SVIL: variants seen among roughly 807,000 people sequenced by gnomAD.
SVIL encodes the protein archvillin.
Under a neutral mutation model 240.4 loss-of-function variants are expected in SVIL, and 101 were observed. That is an observed-to-expected ratio of 0.42 (90% CI 0.36 to 0.50). The LOEUF (loss-of-function observed/expected upper bound fraction) is 0.50, where lower values mean the gene tolerates loss of function less well. Ranked by LOEUF, SVIL falls within the 20% of genes least tolerant of loss-of-function variation. SVIL has a pLI of 0.01. For missense variants in SVIL, 2,512 were observed against 2,818.7 expected, an observed-to-expected ratio of 0.89 and a Z score of 2.46; for synonymous variants, 999 against 1,100.0, an observed-to-expected ratio of 0.91 and a Z score of 1.82.
intron 23 of SVIL, 189 bp from the exon 24 acceptor site, chr10:29,487,488 T>G: frequency 1.6e-6 from 1 of 631,138 alleles, no homozygotes; most frequent in Admixed American, 3.0e-5. Context: ...AGCGGCTGCT[T>G]TCCTGGTTTG....
At chr10:29,659,638 C>T (rs1959099942) in intron 2 of SVIL, among the ~76,000 whole-genome samples, 1 of 151,972 alleles carries the variant, frequency 6.6e-6, no homozygotes, top group Admixed American at 6.6e-5. Flanking sequence ...GGTGCGGGGT[C>T]AAAGGGGAGT....
intron 1 of SVIL, among the ~76,000 whole-genome samples, chr10:29,691,793 A>C (rs1358014213): frequency 1.3e-5 from 2 of 152,158 alleles, no homozygotes; most frequent in Non-Finnish European, 2.9e-5. Flanking sequence ...AGATTACGGA[A>C]TCCCTGTAAC....
At chr10:29,563,531 G>C (rs1445558846) in intron 2 of SVIL, among the ~76,000 whole-genome samples, 1 of 152,158 alleles carries the variant, frequency 6.6e-6, no homozygotes, top group Non-Finnish European at 1.5e-5. Flanking sequence ...GGCGTGGTGT[G>C]ATGTGTGAAA....
At chr10:29,624,533 A>C (rs2132928184) in intron 1 of SVIL, among the ~76,000 whole-genome samples, 1 of 152,358 alleles carries the variant, frequency 6.6e-6, no homozygotes, top group South Asian at 2.1e-4. Flanking sequence ...CTTCGTCTCA[A>C]AAACAAAACA....
chr10:29,589,265 C>T (rs536512911), intron 1 of SVIL, among the ~76,000 whole-genome samples: 5 of 152,288 alleles, frequency 3.3e-5, no homozygotes, highest in South Asian at 2.1e-4. Flanking sequence ...ATCGCCCGCA[C>T]GGCCTCGACA....
intron 1 of SVIL, among the ~76,000 whole-genome samples, chr10:29,723,052 G>T (rs550874150): frequency 7.9e-5 from 12 of 152,324 alleles, no homozygotes; most frequent in Admixed American, 2.0e-4. Context: ...CCGGCAGACT[G>T]CCCTGTACAT....
chr10:29,608,056 A>G (rs1022643945), intron 1 of SVIL, among the ~76,000 whole-genome samples: 2 of 152,204 alleles, frequency 1.3e-5, no homozygotes, highest in African/African-American at 4.8e-5. Context: ...AAACGCTGTC[A>G]GCAGTCACTC....
chr10:29,481,591 T>C lies in SVIL; in HGVS notation c.5093A>G (p.Gln1698Arg). 3 of 1,614,204 alleles carry C rather than the reference T, an allele frequency of 1.9e-6. No individual in the cohort carries two copies. The highest frequency in any genetic ancestry group is 2.5e-6 in the Non-Finnish European group (3 of 1,180,040). Residue 1698 changes from glutamine (Q) to arginine (R), a missense_variant, in exon 28 of 38, where the codon CAG becomes CGG. This residue lies in a region of SVIL where 797 missense variants were observed against 925.3 expected (regional missense o/e 0.86). Coordinates refer to ENST00000355867, the MANE Select transcript of SVIL (RefSeq NM_021738.3). ...SNEKNPGELAQHKEDPRTDVK... is the reference protein window; with the variant it reads ...SNEKNPGELARHKEDPRTDVK... ...GCTTGGTCGCCGGAATACCTTGTGCTGGGCAAGTTCCCCGGGGTTCTTCTC... is the reference window on the plus strand; with the variant it reads ...GCTTGGTCGCCGGAATACCTTGTGCCGGGCAAGTTCCCCGGGGTTCTTCTC...
intron 32 of SVIL, among the ~76,000 whole-genome samples, chr10:29,468,256 G>A (rs1277266128): frequency 2.0e-5 from 3 of 152,154 alleles, no homozygotes; most frequent in African/African-American, 7.2e-5. Flanking sequence ...TAAACTTAGT[G>A]TAATGTTTTT....
At position 29,532,020 on chromosome 10, in the gene SVIL, T is replaced by G; in HGVS notation, c.1991A>C (p.Glu664Ala). 1.2e-6 allele frequency: 2 copies of G among 1,614,192 alleles called. No homozygotes were observed. Among genetic ancestry groups the G allele is most frequent in the Non-Finnish European group, 1.7e-6 (2 of 1,180,028 alleles). Residue 664 changes from glutamate (E) to alanine (A), a missense_variant, in exon 9 of 38, where the codon GAA (glutamate) becomes GCA (alanine). Coordinates refer to ENST00000355867, the MANE Select transcript of SVIL (RefSeq NM_021738.3). ...TGCCTACCTATCCGATTCCTTTCGT[T>G]CTGCTGAAGTTATAGGTTGGGTTCT... ...RFRTQPITSA[E>A]RKESDRCTSH...
intron 1 of SVIL, among the ~76,000 whole-genome samples, chr10:29,620,592 G>A (rs145752186): frequency 3.9e-5 from 6 of 152,292 alleles, no homozygotes; most frequent in African/African-American, 1.4e-4. Context: ...CTTGATGCTA[G>A]GGTTAAGCAG....
At chr10:29,687,661 G>C (rs766581208) in intron 1 of SVIL, among the ~76,000 whole-genome samples, 1 of 152,224 alleles carries the variant, frequency 6.6e-6, no homozygotes, top group Non-Finnish European at 1.5e-5. Context: ...TGACAGAGTT[G>C]AGACTCTTTC....
At chr10:29,661,944 G>T (rs1465444478) in intron 2 of SVIL, among the ~76,000 whole-genome samples, 1 of 152,084 alleles carries the variant, frequency 6.6e-6, no homozygotes. Context: ...GGTTACAGGA[G>T]TGAGCCACCA....
At chr10:29,477,091 C>T (rs1049877734) in intron 29 of SVIL, among the ~76,000 whole-genome samples, 1 of 152,076 alleles carries the variant, frequency 6.6e-6, no homozygotes, top group African/African-American at 2.4e-5. Context: ...TCTCGAACTC[C>T]TGACCTCGTG....
At chr10:29,458,391 G>A (rs1943809908) in intron 37 of SVIL, 43 bp downstream of exon 37, 2 of 1,609,478 alleles carry the variant, frequency 1.2e-6, no homozygotes, top group South Asian at 1.1e-5. Context: ...GCGTGCGTGT[G>A]TTGTTTTACT....
intron 1 of SVIL, among the ~76,000 whole-genome samples, chr10:29,702,441 T>C (rs1474392358): frequency 2.6e-5 from 4 of 152,172 alleles, no homozygotes; most frequent in Non-Finnish European, 4.4e-5. Flanking sequence ...AACAACTGCA[T>C]GGACCCACAG....
intron 34 of SVIL, among the ~76,000 whole-genome samples, chr10:29,464,171 TC>T (rs1588791747): frequency 1.3e-5 from 2 of 152,062 alleles, no homozygotes; most frequent in Non-Finnish European, 2.9e-5. Flanking sequence ...GAGTGGTGGC[TC>T]ATGCCTGTAA....
chr10:29,602,667 A>C lies in SVIL; in HGVS notation c.-201+31753T>G, dbSNP rs1564690634. On this transcript the variant is annotated intron_variant, in intron 1 of 37. Coordinates refer to ENST00000355867, the MANE Select transcript of SVIL (RefSeq NM_021738.3). ...AGATGCAAATGGTCAAGCCTGAAAG[A>C]AGACTAAATATAATTTTTTTAAAAA... Among the ~76,000 whole-genome samples the C allele has an allele frequency of 3.3e-5, 5 of 152,352 alleles. No homozygotes were observed. In the South Asian group the frequency reaches 1.0e-3, roughly 32 times the overall value.
rs780703125 is a variant in SVIL at position 29,484,700 on chromosome 10, G to A, written c.4911C>T (p.Asp1637=). Residue 1637 remains aspartate, a synonymous_variant, in exon 27 of 38, where the codon GAC becomes GAT. Coordinates refer to ENST00000355867, the MANE Select transcript of SVIL (RefSeq NM_021738.3). The surrounding 1 kb of genome is among the most constrained non-coding windows in gnomAD (Gnocchi z 4.7). ...ATTCTCCAGGATCCAGGGGATTGAT[G>A]TCACAGTTCTCATAGTCAAAGGTTC... is the stretch of plus-strand genomic sequence containing the variant. ...WNGTFDYENC[D]INPLDPGECN... is the part of the protein sequence containing the mutation. The A allele has an allele frequency of 2.5e-6, 4 of 1,613,828 alleles. No individual in the cohort carries two copies. The South Asian group carries it at 3.3e-5, about 13-fold the overall frequency.
Sources: allele counts gnomAD v4.1 joint callset (sites outside exome capture counted in the v4.1 genomes callset), GRCh38; gene constraint gnomAD v4.1.1; regional missense constraint gnomAD v4.1.1; non-coding constraint Gnocchi (gnomAD v3.1); transcripts MANE v1.5; gene names NCBI Gene and HGNC (gene_info 2026-07-23, HGNC 2026-07-21).